HTR2C: variants seen among roughly 807,000 people sequenced by gnomAD.
HTR2C encodes the protein 5-hydroxytryptamine receptor 2C, also known as 5-hydroxytryptamine (serotonin) receptor 2C, G protein-coupled.
In HTR2C, 5 loss-of-function variants were observed where a neutral mutation model predicts 21.0. The ratio of observed to expected loss-of-function variants is 0.24; its 90% CI spans 0.12 to 0.50. The LOEUF is 0.50. HTR2C is among the 20% of genes least tolerant of loss of function. The pLI is 0.98. For synonymous variants in HTR2C, 150 were observed against 145.3 expected (o/e 1.03, Z -0.23); for missense variants, 271 against 371.2 (o/e 0.73, Z 2.22).
intron 1 of HTR2C, among the ~76,000 whole-genome samples, chrX:114,597,581 G>T (rs1425136307): frequency 8.9e-6 from 1 of 111,936 alleles, no homozygotes; most frequent in Non-Finnish European, 1.9e-5. Flanking sequence ...ATATTCCAAA[G>T]GGCCATAGGA....
chrX:114,780,203 G>C (rs906184447), intron 4 of HTR2C, among the ~76,000 whole-genome samples: 1 of 110,987 alleles, frequency 9.0e-6, no homozygotes, highest in Admixed American at 9.7e-5. Flanking sequence ...GCAGATTTTG[G>C]TATCTACGGG....
intron 2 of HTR2C, among the ~76,000 whole-genome samples, chrX:114,622,122 A>G (rs1929189814): frequency 8.9e-6 from 1 of 111,890 alleles, no homozygotes. Flanking sequence ...AATATGTATC[A>G]CATAGCCGGA....
At chrX:114,811,376 C>A (rs1380678792) in intron 4 of HTR2C, among the ~76,000 whole-genome samples, 1 of 107,749 alleles carries the variant, frequency 9.3e-6, no homozygotes, top group Non-Finnish European at 1.9e-5. Context: ...TTATAGAATG[C>A]TGTAAAGTCT....
At chrX:114,600,420 G>A (rs1367829015) in intron 1 of HTR2C, among the ~76,000 whole-genome samples, 2 of 109,908 alleles carry the variant, frequency 1.8e-5, no homozygotes, top group African/African-American at 6.5e-5. Flanking sequence ...ATCATATATC[G>A]CCTTCTACAA....
chrX:114,700,725 C>T (rs925922359), intron 2 of HTR2C, among the ~76,000 whole-genome samples: 4 of 112,354 alleles, frequency 3.6e-5, no homozygotes, highest in Non-Finnish European at 3.8e-5. Context: ...GTGGGTGCAG[C>T]GCACTGTGCG....
chrX:114,804,902 C>T (rs1348118766), intron 4 of HTR2C, among the ~76,000 whole-genome samples: 1 of 111,884 alleles, frequency 8.9e-6, no homozygotes, highest in Non-Finnish European at 1.9e-5. Context: ...ATCCAGGCCA[C>T]AGGCTTTTTC....
chrX:114,895,075 T>A (rs1302757921), intron 5 of HTR2C, among the ~76,000 whole-genome samples: 1 of 111,525 alleles, frequency 9.0e-6, no homozygotes, highest in Non-Finnish European at 1.9e-5. Context: ...TGACAAGTGC[T>A]CTAATATGCA....
intron 2 of HTR2C, among the ~76,000 whole-genome samples, chrX:114,635,036 T>C (rs1287928088): frequency 1.8e-5 from 2 of 111,725 alleles, no homozygotes; most frequent in East Asian, 5.6e-4. Context: ...ACAGTCACAG[T>C]TTATGCTTAT....
intron 4 of HTR2C, among the ~76,000 whole-genome samples, chrX:114,761,990 C>CATATATTTT (rs782126342): frequency 1.0e-4 from 1 of 9,911 alleles, no homozygotes; most frequent in Non-Finnish European, 2.0e-4. Flanking sequence ...TGTATATATA[C>CATATATTTT]TATATATACA....
chrX:114,601,427 A>C (rs1424843785), intron 1 of HTR2C, among the ~76,000 whole-genome samples: 8 of 107,311 alleles, frequency 7.5e-5, no homozygotes, highest in African/African-American at 2.7e-4. Flanking sequence ...AGGTAAAGGA[A>C]AATTACAGTC....
At position 114,765,916 on chromosome X, in the gene HTR2C, G is replaced by T. The variant is rs782775970; in HGVS notation, c.349+34309G>T. Among the ~76,000 whole-genome samples, 9 of 111,624 alleles carry T rather than the reference G, an allele frequency of 8.1e-5. No individual in the cohort carries two copies. In the South Asian group the frequency reaches 3.4e-3, roughly 42 times the overall value. On this transcript the variant is annotated intron_variant, in intron 4 of 5. Transcript: ENST00000276198. ...CAATGCCTCTGCTATCATGCAATTA[G>T]AAATGGAATTAAGGAGAAATGGGAG...
chrX:114,776,975 T>G, intron 4 of HTR2C, among the ~76,000 whole-genome samples: 1 of 112,040 alleles, frequency 8.9e-6, no homozygotes, highest in African/African-American at 3.2e-5. Flanking sequence ...CTGACAAACA[T>G]ATTACCTCAA....
chrX:114,680,303 G>A (rs1328223392), intron 2 of HTR2C, among the ~76,000 whole-genome samples: 1 of 112,183 alleles, frequency 8.9e-6, no homozygotes, highest in Non-Finnish European at 1.9e-5. Context: ...GAAAAACTTA[G>A]CCTCTACACT....
intron 2 of HTR2C, among the ~76,000 whole-genome samples, chrX:114,702,768 A>G (rs782373675): frequency 0.011 from 1,168 of 106,351 alleles, 22 homozygotes; most frequent in African/African-American, 0.037. Context: ...AGACTGGCAA[A>G]TTGGATAAAG....
At chrX:114,741,201 A>G (rs1038245427) in intron 4 of HTR2C, among the ~76,000 whole-genome samples, 21 of 110,151 alleles carry the variant, frequency 1.9e-4, no homozygotes, top group Non-Finnish European at 1.1e-4. Context: ...AGTCAATTTC[A>G]GGAATGGGAC....
intron 2 of HTR2C, among the ~76,000 whole-genome samples, chrX:114,628,637 T>C (rs993896326): frequency 9.0e-6 from 1 of 110,642 alleles, no homozygotes; most frequent in African/African-American, 3.3e-5. Flanking sequence ...AACAAACACA[T>C]TGACCAGTAT....
At chrX:114,770,887 C>T (rs1050306998) in intron 4 of HTR2C, among the ~76,000 whole-genome samples, 7 of 105,976 alleles carry the variant, frequency 6.6e-5, no homozygotes, top group East Asian at 3.0e-4. Context: ...CTGCAACCTC[C>T]GCCTCCCAGG....
chrX:114,833,951 G>C (rs1411774367), intron 4 of HTR2C, among the ~76,000 whole-genome samples: 1 of 109,250 alleles, frequency 9.2e-6, no homozygotes, highest in Non-Finnish European at 1.9e-5. Flanking sequence ...CCTTCATTTT[G>C]TTATGTACCC....
chrX:114,606,616 T>C (rs1409409146), intron 1 of HTR2C, among the ~76,000 whole-genome samples: 2 of 111,200 alleles, frequency 1.8e-5, no homozygotes, highest in Non-Finnish European at 3.8e-5. Flanking sequence ...TGAGAGAGGT[T>C]GGAGAAGAGA....
Sources: allele counts gnomAD v4.1 joint callset (sites outside exome capture counted in the v4.1 genomes callset), GRCh38; gene constraint gnomAD v4.1.1; transcripts MANE v1.5; gene names NCBI Gene and HGNC (gene_info 2026-07-23, HGNC 2026-07-21).